The following SORT1 variants were observed in gnomAD, a reference collection of about 807,000 sequenced individuals.
The protein encoded by SORT1 is sortilin 1, also known as sortilin.
Under a neutral mutation model 101.7 loss-of-function variants are expected in SORT1, and 39 were observed. The ratio of observed to expected loss-of-function variants is 0.38; its 90% CI spans 0.30 to 0.50. The LOEUF (loss-of-function observed/expected upper bound fraction) is 0.50, where lower values mean the gene tolerates loss of function less well. SORT1 is among the 20% of genes least tolerant of loss of function. The pLI, the probability that SORT1 is intolerant of heterozygous loss-of-function variation, is 0.90. For missense variants in SORT1, 878 were observed against 1,040.4 expected (o/e 0.84, Z 2.15); for synonymous variants, 396 against 393.7 (o/e 1.01, Z -0.07).
chr1:109,314,456 T>C (rs1658918261), intron 18 of SORT1, 72 bp from the exon 19 acceptor site: 1 of 1,561,306 alleles, frequency 6.4e-7, no homozygotes. Context: ...CTGTGGACTT[T>C]CTCAGTTTTA....
In SORT1 at chr1:109,327,506, A is replaced by G; in HGVS notation, c.1467T>C (p.Ile489=). The G allele has an allele frequency of 6.2e-7, 1 of 1,600,320 alleles. No homozygotes were observed. The highest frequency in any genetic ancestry group is 1.1e-5 in the South Asian group (1 of 89,532). ...LSEPNAVGIV[I]AHGSVGDAIS... is the part of the protein sequence containing the mutation. ...GAGTGGGAGGTTCCTTACCATGAGCAATGACAATGCCTACGGCATTCGGCT... is the reference window on the plus strand; with the variant it reads ...GAGTGGGAGGTTCCTTACCATGAGCGATGACAATGCCTACGGCATTCGGCT... The change falls in exon 12 of 20, where the codon ATT becomes ATC. Residue 489 remains isoleucine, a synonymous_variant. Transcript: ENST00000256637.
At chr1:109,385,812 A>G (rs1038204778) in intron 1 of SORT1, among the ~76,000 whole-genome samples, 1 of 152,248 alleles carries the variant, frequency 6.6e-6, no homozygotes, top group African/African-American at 2.4e-5. Flanking sequence ...CTAATGCCCC[A>G]GACTAAAAAA....
intron 3 of SORT1, among the ~76,000 whole-genome samples, chr1:109,363,723 G>A (rs1650894523): frequency 6.6e-6 from 1 of 152,174 alleles, no homozygotes. Flanking sequence ...GATTTAGTAT[G>A]CGAAGATGGT....
rs780221196 is a variant in SORT1, at chr1:109,392,824, C to G, written c.306+4763G>C. 14 of 984,994 alleles carry G rather than the reference C, an allele frequency of 1.4e-5. No individual in the cohort carries two copies. The African/African-American group carries it at 2.1e-4, about 15-fold the overall frequency. The allele number at this position is 984,994 out of a possible 1,614,324, so 61.0% of individuals were successfully genotyped here. ...GAGAGAAGACTCTTCATGAAGGTTT[C>G]GCTCACTCTGCTCAACCAGGACCAA... On this transcript the variant is annotated intron_variant, in intron 1 of 19. Transcript: ENST00000256637.
chr1:109,324,772 ATC>A, intron 14 of SORT1, 125 bp downstream of exon 14: 1 of 637,014 alleles, frequency 1.6e-6, no homozygotes, highest in Non-Finnish European at 2.7e-6. Context: ...CACACAGAAC[ATC>A]TGTCAATCCT....
intron 14 of SORT1, 96 bp from the exon 15 acceptor site, chr1:109,323,217 GT>G: frequency 1.2e-6 from 1 of 834,002 alleles, no homozygotes; most frequent in Non-Finnish European, 1.9e-6. Flanking sequence ...GAGAGGGAAA[GT>G]GGGAATGTCT....
intron 3 of SORT1, 68 bp from the exon 4 acceptor site, chr1:109,355,537 GCTT>G: frequency 1.3e-6 from 1 of 745,530 alleles, no homozygotes; most frequent in Non-Finnish European, 2.4e-6. Flanking sequence ...TTCCTACTCA[GCTT>G]TCATTCTCCC....
At chr1:109,388,462 A>G (rs1652716005) in intron 1 of SORT1, among the ~76,000 whole-genome samples, 1 of 152,122 alleles carries the variant, frequency 6.6e-6, no homozygotes, top group East Asian at 1.9e-4. Flanking sequence ...GCTGGTTTCA[A>G]ACTCATGGGC....
At chr1:109,380,126 A>C (rs1052285867) in intron 1 of SORT1, among the ~76,000 whole-genome samples, 17 of 152,020 alleles carry the variant, frequency 1.1e-4, no homozygotes, top group African/African-American at 4.1e-4. Context: ...AAAAGAAAAC[A>C]AACAAAAAAA....
chr1:109,377,598 T>C (rs569370108), intron 1 of SORT1, among the ~76,000 whole-genome samples: 1 of 152,364 alleles, frequency 6.6e-6, no homozygotes, highest in East Asian at 1.9e-4. Flanking sequence ...TAGTTACCAT[T>C]AACTTCACGT....
At chr1:109,320,201 A>G (rs1229303879) in intron 15 of SORT1, among the ~76,000 whole-genome samples, 1 of 152,170 alleles carries the variant, frequency 6.6e-6, no homozygotes, top group Non-Finnish European at 1.5e-5. Flanking sequence ...TTTGGTTGCA[A>G]CTAAAACTTC....
chr1:109,359,474 T>C (rs901808943), intron 3 of SORT1, among the ~76,000 whole-genome samples: 4 of 151,912 alleles, frequency 2.6e-5, no homozygotes, highest in African/African-American at 7.2e-5. Flanking sequence ...ATTCATTACA[T>C]CCCAGCAGCC....
At chr1:109,396,360 A>C (rs746549191) in intron 1 of SORT1, among the ~76,000 whole-genome samples, 13 of 152,210 alleles carry the variant, frequency 8.5e-5, no homozygotes, top group Non-Finnish European at 1.3e-4. Context: ...AGCCTTTCTC[A>C]ATCCCCCACT....
At chr1:109,315,205 G>A (rs1181035378) in intron 17 of SORT1, among the ~76,000 whole-genome samples, 1 of 152,182 alleles carries the variant, frequency 6.6e-6, no homozygotes, top group East Asian at 1.9e-4. Flanking sequence ...AACCAGGCAG[G>A]CCATTATATG....
intron 18 of SORT1, 144 bp from the exon 19 acceptor site, chr1:109,314,528 T>A: frequency 1.7e-6 from 2 of 1,188,554 alleles, no homozygotes; most frequent in Middle Eastern, 4.0e-4. Context: ...ATGAAAAATG[T>A]ACGACATGAG....
chr1:109,314,656 C>A lies in SORT1; in HGVS notation c.2357+16G>T. 6.6e-7 allele frequency: 1 copy of A among 1,517,026 alleles called. No homozygotes were observed. Among genetic ancestry groups the A allele is most frequent in the South Asian group, 1.1e-5 (1 of 88,992 alleles). 94.0% of individuals were successfully genotyped at this position (1,517,026 alleles called of 1,614,324 possible). A position where few individuals can be genotyped will look rare whatever the true frequency, so the allele number is the denominator to read the frequency against. On this transcript the variant is annotated intron_variant, in intron 18 of 19. Coordinates refer to ENST00000256637, the MANE Select transcript of SORT1 (RefSeq NM_002959.7). ...GCTTGAACTCAGTACCTTGGATTGA[C>A]TTCTGTGTTCCTTACCTTCCCCCAC...
chr1:109,322,859 C>T (rs1351368823), intron 15 of SORT1, 73 bp downstream of exon 15: 1 of 1,231,954 alleles, frequency 8.1e-7, no homozygotes, highest in Non-Finnish European at 1.2e-6. Flanking sequence ...TATTTGTTAG[C>T]CCTATAAGAA....
At chr1:109,375,645 C>T (rs945396849) in intron 1 of SORT1, among the ~76,000 whole-genome samples, 1 of 150,854 alleles carries the variant, frequency 6.6e-6, no homozygotes, top group Admixed American at 6.6e-5. Context: ...TCAAGAAACA[C>T]GATGAAAAAT....
chr1:109,330,158 G>C (rs1192884694), intron 11 of SORT1, among the ~76,000 whole-genome samples: 1 of 152,004 alleles, frequency 6.6e-6, no homozygotes, highest in Non-Finnish European at 1.5e-5. Flanking sequence ...CCGCTGCCAC[G>C]CCCAGCTATT....
Sources: gnomAD v4.1 joint callset for allele counts (sites outside exome capture counted in the v4.1 genomes callset) on GRCh38, gnomAD v4.1.1 for gene constraint, MANE v1.5 for transcripts, NCBI Gene and HGNC (gene_info 2026-07-23, HGNC 2026-07-21) for gene names.